The following SAMD4B variants were observed in gnomAD, a reference collection of about 807,000 sequenced individuals.
SAMD4B encodes the protein sterile alpha motif domain containing 4B.
A neutral mutation model predicts 74.5 loss-of-function variants in SAMD4B; 5 were observed. The ratio of observed to expected loss-of-function variants is 0.07; its 90% CI spans 0.04 to 0.14. The LOEUF is 0.14. SAMD4B is among the 10% of genes least tolerant of loss of function. The pLI is 1.00. For missense variants in SAMD4B, 608 were observed against 921.8 expected, an observed-to-expected ratio of 0.66 and a Z score of 4.41; for synonymous variants, 373 against 374.9, an observed-to-expected ratio of 1.00 and a Z score of 0.06.
chr19:39,346,642 A>G (rs891483972), intron 1 of SAMD4B, among the ~76,000 whole-genome samples: 10 of 152,218 alleles, frequency 6.6e-5, no homozygotes, highest in Non-Finnish European at 8.8e-5. Flanking sequence ...AAGAACAGGT[A>G]GGACTAATAG....
At chr19:39,389,559 G>C (rs780055468), downstream of SAMD4B, 2 of 1,613,988 alleles carry the variant, frequency 1.2e-6, no homozygotes, top group African/African-American at 1.3e-5. The surrounding 1 kb of genome is among the most constrained non-coding windows in gnomAD (Gnocchi z 5.3). Flanking sequence ...AGAGGAGAGC[G>C]GGGGGCAGGA....
At chr19:39,349,280 A>C (rs975350480) in intron 1 of SAMD4B, among the ~76,000 whole-genome samples, 7 of 152,230 alleles carry the variant, frequency 4.6e-5, no homozygotes, top group African/African-American at 1.7e-4. Context: ...GGAGTTAATT[A>C]CATGCCTAAG....
In SAMD4B at chr19:39,371,831, A is replaced by G. The variant is rs1329813448; in HGVS notation, c.667+1706A>G. On this transcript the variant is annotated intron_variant, in intron 4 of 13. Transcript: ENST00000610417. ...GACCCCATCTCAAAAAAAAAAAAAC[A>G]AAAACACACATCGAGTGCTTAGTCT... is the stretch of plus-strand genomic sequence containing the variant. 3.3e-5 allele frequency among the ~76,000 whole-genome samples: 5 copies of G among 151,582 alleles called. No individual in the cohort carries two copies. In the South Asian group the frequency reaches 1.0e-3, roughly 32 times the overall value.
intron 3 of SAMD4B, among the ~76,000 whole-genome samples, chr19:39,361,652 G>A (rs548885953): frequency 8.4e-5 from 12 of 142,766 alleles, no homozygotes; most frequent in South Asian, 2.2e-4. Context: ...GGCCGGGCGC[G>A]GTGGCTCACG....
At chr19:39,356,104 A>G (rs1386616818) in intron 2 of SAMD4B, among the ~76,000 whole-genome samples, 1 of 149,226 alleles carries the variant, frequency 6.7e-6, no homozygotes, top group African/African-American at 2.5e-5. Context: ...CCAGTTACTA[A>G]TCAGATGGCT....
chr19:39,376,682 G>A (rs1568363068), intron 6 of SAMD4B, 23 bp from the exon 7 acceptor site: 2 of 1,611,348 alleles, frequency 1.2e-6, no homozygotes, highest in Non-Finnish European at 1.7e-6. Flanking sequence ...CTAGCTTCCT[G>A]TCCCCTTCTG....
intron 3 of SAMD4B, among the ~76,000 whole-genome samples, chr19:39,363,980 A>C (rs987896542): frequency 6.6e-6 from 1 of 152,222 alleles, no homozygotes; most frequent in Non-Finnish European, 1.5e-5. Flanking sequence ...CTGAGGCTGC[A>C]CAAATTACTT....
chr19:39,366,157 A>C (rs1247820334), intron 3 of SAMD4B, among the ~76,000 whole-genome samples: 2 of 152,182 alleles, frequency 1.3e-5, no homozygotes, highest in African/African-American at 4.8e-5. Flanking sequence ...CTCCACTAAA[A>C]ATATAAAAAT....
chr19:39,362,954 CATCAAACAAAA>C (rs2076740346), intron 3 of SAMD4B, among the ~76,000 whole-genome samples: 2 of 152,024 alleles, frequency 1.3e-5, no homozygotes, highest in African/African-American at 4.8e-5. Flanking sequence ...CTTGACAGTT[CATCAAACAAAA>C]ATGTGAGCCC....
chr19:39,390,313 G>A (rs1227006120), downstream of SAMD4B: 2 of 1,602,152 alleles, frequency 1.2e-6, no homozygotes, highest in South Asian at 1.1e-5. Flanking sequence ...AAGAAACAGT[G>A]ATAGGTGGAG....
chr19:39,374,895 G>A (rs1483609815), intron 4 of SAMD4B, among the ~76,000 whole-genome samples: 4 of 152,196 alleles, frequency 2.6e-5, no homozygotes, highest in Non-Finnish European at 5.9e-5. Context: ...ATTTCAGGTT[G>A]TGATGGGTGC....
chr19:39,343,419 C>G (rs2075456406), intron 1 of SAMD4B, among the ~76,000 whole-genome samples: 1 of 151,588 alleles, frequency 6.6e-6, no homozygotes, highest in Non-Finnish European at 1.5e-5. Context: ...TCCTCACAGA[C>G]TTTGTGAAAT....
In SAMD4B at chr19:39,375,608, G is replaced by C; in HGVS notation, c.668-42G>C. The C allele has an allele frequency of 6.3e-7, 1 of 1,581,070 alleles. No individual in the cohort carries two copies. The highest frequency in any genetic ancestry group is 1.1e-5 in the South Asian group (1 of 88,954). ...CAGGGGGATGGTCTCCTGTGGTTGG[G>C]TCCCCAGGTCTAATATTTTGCTTTT... On this transcript the variant is annotated intron_variant, in intron 4 of 13. Transcript: ENST00000610417. This position sits in a 1 kb window ranked among gnomAD's most constrained non-coding sequence, Gnocchi z 4.1.
At chr19:39,355,789 G>C (rs984806100) in intron 2 of SAMD4B, among the ~76,000 whole-genome samples, 1 of 152,162 alleles carries the variant, frequency 6.6e-6, no homozygotes. Context: ...GTGAGTTTTT[G>C]ACTTTTGATC....
At chr19:39,370,792 T>C (rs76609635) in intron 4 of SAMD4B, among the ~76,000 whole-genome samples, 3 of 152,370 alleles carry the variant, frequency 2.0e-5, no homozygotes, top group Admixed American at 2.0e-4. Context: ...CTATGCTAGG[T>C]ACTCTTTTAT....
In SAMD4B at chr19:39,375,623, A is replaced by G. The variant is rs372089059; in HGVS notation, c.668-27A>G. ...CTGTGGTTGGGTCCCCAGGTCTAAT[A>G]TTTTGCTTTTCTCCCACTCTGGCCA... On this transcript the variant is annotated intron_variant, in intron 4 of 13. Coordinates refer to ENST00000610417, the MANE Select transcript of SAMD4B (RefSeq NM_001384574.2). This position sits in a 1 kb window ranked among gnomAD's most constrained non-coding sequence, Gnocchi z 4.1. 74 of 1,589,938 alleles carry G rather than the reference A, an allele frequency of 4.7e-5. No individual in the cohort carries two copies. Among genetic ancestry groups the G allele is most frequent in the Non-Finnish European group, 6.2e-5 (72 of 1,160,988 alleles).
In SAMD4B at chr19:39,385,269, CCTCGTTTGGAATCAG is replaced by C; in HGVS notation, c.*1744_*1758del. 3.0e-6 allele frequency: 1 copy of C among 337,688 alleles called. No homozygotes were observed. Among genetic ancestry groups the C allele is most frequent in the Non-Finnish European group, 5.3e-6 (1 of 188,364 alleles). 20.9% of individuals were successfully genotyped at this position (337,688 alleles called of 1,614,324 possible). A position where few individuals can be genotyped will look rare whatever the true frequency, so the allele number is the denominator to read the frequency against. On this transcript the variant is annotated 3_prime_UTR_variant, in exon 14 of 14. Coordinates refer to ENST00000610417, the MANE Select transcript of SAMD4B (RefSeq NM_001384574.2). ...TGCAGGAAGTGGGATGGATGGGCCA[CCTCGTTTGGAATCAG>C]CAGGGTGTCCCTCTCATGGGACCCT...
intron 3 of SAMD4B, among the ~76,000 whole-genome samples, chr19:39,364,131 A>G (rs1333458023): frequency 6.6e-6 from 1 of 152,230 alleles, no homozygotes; most frequent in Admixed American, 6.5e-5. Flanking sequence ...TCTCGGCAGC[A>G]GAACAAGGTC....
chr19:39,385,826 G>A (rs1324547630), downstream of SAMD4B: 1 of 1,043,398 alleles, frequency 9.6e-7, no homozygotes, highest in African/African-American at 1.6e-5. Context: ...TGGGCTGAAT[G>A]ACATCATAGG....
Sources: gnomAD v4.1 joint callset for allele counts (sites outside exome capture counted in the v4.1 genomes callset) on GRCh38, gnomAD v4.1.1 for gene constraint, Gnocchi (gnomAD v3.1) non-coding constraint, MANE v1.5 for transcripts, NCBI Gene and HGNC (gene_info 2026-07-23, HGNC 2026-07-21) for gene names.